SNRNP40: variants seen among roughly 807,000 people sequenced by gnomAD.
SNRNP40 encodes the protein U5 small nuclear ribonucleoprotein 40 kDa protein.
In SNRNP40, 21 loss-of-function variants were observed where a neutral mutation model predicts 45.8. That is an observed-to-expected ratio of 0.46 (90% CI 0.32 to 0.66). SNRNP40 has a LOEUF of 0.66. SNRNP40 is among the 30% of genes least tolerant of loss of function. The probability of loss-of-function intolerance (pLI) is 0.03; values close to 1 mark genes in which losing one functional copy is unlikely to be tolerated. For missense variants in SNRNP40, 344 were observed against 439.1 expected, an observed-to-expected ratio of 0.78 and a Z score of 1.94; for synonymous variants, 142 against 163.8, an observed-to-expected ratio of 0.87 and a Z score of 1.01.
At chr1:31,286,798 G>C (rs1355359218) in intron 4 of SNRNP40, among the ~76,000 whole-genome samples, 1 of 152,158 alleles carries the variant, frequency 6.6e-6, no homozygotes, top group Non-Finnish European at 1.5e-5. Context: ...CAGTGTGGAT[G>C]CTCTCCTTAC....
At chr1:31,291,548 G>T (rs1043066112) in intron 3 of SNRNP40, among the ~76,000 whole-genome samples, 1 of 152,088 alleles carries the variant, frequency 6.6e-6, no homozygotes, top group South Asian at 2.1e-4. Context: ...GCATGGAGGC[G>T]TGGGCTTGTG....
intron 1 of SNRNP40, among the ~76,000 whole-genome samples, chr1:31,294,585 G>GA (rs1352878091): frequency 2.0e-5 from 3 of 151,484 alleles, no homozygotes. Flanking sequence ...TCAGCCTCCC[G>GA]AGTGGCTGGG....
intron 6 of SNRNP40, among the ~76,000 whole-genome samples, chr1:31,269,879 T>C (rs1231611589): frequency 6.6e-6 from 1 of 152,194 alleles, no homozygotes; most frequent in East Asian, 1.9e-4. Flanking sequence ...GAGAAAATTA[T>C]CTGTCTTCTT....
At chr1:31,295,248 AG>A (rs1356341714) in intron 1 of SNRNP40, among the ~76,000 whole-genome samples, 1 of 152,132 alleles carries the variant, frequency 6.6e-6, no homozygotes, top group Non-Finnish European at 1.5e-5. Flanking sequence ...CTGTGGTCCC[AG>A]CTACTCAGGA....
chr1:31,261,677 G>A (rs935481442), intron 8 of SNRNP40, 45 bp from the exon 9 acceptor site: 8 of 1,268,552 alleles, frequency 6.3e-6, no homozygotes, highest in Non-Finnish European at 9.2e-6. Flanking sequence ...CTTAGAGCTG[G>A]GGGTAGGACA....
intron 5 of SNRNP40, among the ~76,000 whole-genome samples, chr1:31,273,191 C>T (rs1256947211): frequency 6.6e-6 from 1 of 152,210 alleles, no homozygotes; most frequent in Non-Finnish European, 1.5e-5. Flanking sequence ...GTTGTTCCTT[C>T]TCTTCTGAGA....
At chr1:31,269,124 G>A in intron 7 of SNRNP40, 34 bp downstream of exon 7, 1 of 1,533,976 alleles carries the variant, frequency 6.5e-7, no homozygotes, top group Non-Finnish European at 8.8e-7. Context: ...TGAAGTAAAT[G>A]AACAGTAAAA....
chr1:31,279,850 C>T (rs551004243), intron 5 of SNRNP40, among the ~76,000 whole-genome samples: 124 of 151,342 alleles, frequency 8.2e-4, no homozygotes, highest in Non-Finnish European at 4.7e-4. Flanking sequence ...GGCTCACACC[C>T]GTAATCCCAG....
chr1:31,277,395 T>C (rs189538347), intron 5 of SNRNP40, among the ~76,000 whole-genome samples: 1 of 152,350 alleles, frequency 6.6e-6, no homozygotes. Context: ...ATCACTTTTA[T>C]TACTAAATCT....
intron 7 of SNRNP40, 63 bp from the exon 8 acceptor site, chr1:31,267,995 A>T: frequency 8.7e-7 from 1 of 1,148,238 alleles, no homozygotes; most frequent in Non-Finnish European, 1.3e-6. Context: ...AGGCTACCGA[A>T]TCACTAAGAG....
At chr1:31,292,900 C>T in intron 2 of SNRNP40, 1 of 306,076 alleles carries the variant, frequency 3.3e-6, no homozygotes, top group Non-Finnish European at 6.2e-6. Context: ...CTCCTCATTA[C>T]TGCCATTAAC....
chr1:31,293,754 T>C (rs888124432), intron 1 of SNRNP40, among the ~76,000 whole-genome samples: 1 of 151,982 alleles, frequency 6.6e-6, no homozygotes, highest in African/African-American at 2.4e-5. Flanking sequence ...GCTAATTTTT[T>C]TAGTTTTTGT....
intron 4 of SNRNP40, chr1:31,282,109 T>A (rs1646020532): frequency 1.3e-5 from 2 of 152,224 alleles, no homozygotes; most frequent in Admixed American, 1.3e-4. Flanking sequence ...TTGTGCTGGC[T>A]CTGTCTCCTG....
At chr1:31,268,056 C>T in intron 7 of SNRNP40, 124 bp from the exon 8 acceptor site, 1 of 610,332 alleles carries the variant, frequency 1.6e-6, no homozygotes, top group Non-Finnish European at 2.9e-6. Flanking sequence ...GGAAGATGGT[C>T]TGTAATTATC....
Position 31,261,572 on chromosome 1 carries a change from A to C in SNRNP40, c.981T>G (p.Ala327=), listed in dbSNP as rs765195761. The change falls in exon 9 of 10, where the codon GCT becomes GCG. Residue 327 remains alanine, a synonymous_variant. Transcript: ENST00000263694. ...GGAAAGCCACTTCATTGATGGAGCC[A>C]GCATGGCCGGGCAGCTTATACAATA... ...RRILYKLPGH[A]GSINEVAFHP... The C allele has an allele frequency of 4.5e-5, 72 of 1,614,052 alleles. No individual in the cohort carries two copies. In the Admixed American group the frequency reaches 1.2e-3, roughly 27 times the overall value.
chr1:31,260,216 A>C, intron 9 of SNRNP40, 95 bp from the exon 10 acceptor site: 1 of 791,376 alleles, frequency 1.3e-6, no homozygotes, highest in East Asian at 2.6e-5. Context: ...CTGGTATAAA[A>C]GAGCAATTGG....
At chr1:31,264,650 C>T (rs1645883921) in intron 8 of SNRNP40, among the ~76,000 whole-genome samples, 1 of 152,226 alleles carries the variant, frequency 6.6e-6, no homozygotes. Context: ...TAAGTACACT[C>T]ATCATCAAAA....
intron 5 of SNRNP40, among the ~76,000 whole-genome samples, chr1:31,280,154 G>A (rs1299556708): frequency 7.2e-6 from 1 of 138,322 alleles, no homozygotes; most frequent in Admixed American, 7.3e-5. Flanking sequence ...TTAGACAAAA[G>A]CAAGGATATT....
At chr1:31,274,552 T>C (rs1281388286) in intron 5 of SNRNP40, among the ~76,000 whole-genome samples, 18 of 151,184 alleles carry the variant, frequency 1.2e-4, no homozygotes, top group Non-Finnish European at 1.5e-5. Context: ...GGCCTATATA[T>C]TTAATAACTG....
Sources: gnomAD v4.1 joint callset for allele counts (sites outside exome capture counted in the v4.1 genomes callset) on GRCh38, gnomAD v4.1.1 for gene constraint, MANE v1.5 for transcripts, NCBI Gene and HGNC (gene_info 2026-07-23, HGNC 2026-07-21) for gene names.